PRELID2: variants seen among roughly 807,000 people sequenced by gnomAD.
PRELID2 encodes PRELI domain-containing protein 2.
Under a neutral mutation model 28.4 loss-of-function variants are expected in PRELID2, and 25 were observed. The ratio of observed to expected loss-of-function variants is 0.88; its 90% confidence interval spans 0.64 to 1.23. PRELID2 has a LOEUF of 1.23. PRELID2 is among the 50% of genes most tolerant of loss of function. PRELID2 has a pLI of 0.00. For synonymous variants in PRELID2, 76 were observed against 71.6 expected, an observed-to-expected ratio of 1.06 and a Z score of -0.31; for missense variants, 201 against 214.4, an observed-to-expected ratio of 0.94 and a Z score of 0.39.
downstream of PRELID2, chr5:145,754,253 T>TATA (rs1450713950): frequency 6.6e-6 from 1 of 152,148 alleles, no homozygotes; most frequent in Admixed American, 6.5e-5. Context: ...TCACCAAAGG[T>TATA]ATAACATGCC....
chr5:145,551,771 A>T (rs572792990), intron 1 of PRELID2, among the ~76,000 whole-genome samples: 41 of 152,284 alleles, frequency 2.7e-4, no homozygotes, highest in African/African-American at 9.4e-4. Context: ...GGCAGAGTTT[A>T]GCAAAATCAG....
intron 1 of PRELID2, among the ~76,000 whole-genome samples, chr5:145,586,807 C>T (rs1463341792): frequency 2.0e-5 from 3 of 152,136 alleles, no homozygotes; most frequent in Non-Finnish European, 4.4e-5. Context: ...AGAGAACTTA[C>T]ATAACTTGTT....
the PRELID2 span, among the ~76,000 whole-genome samples, chr5:145,450,231 G>A: frequency 6.6e-6 from 1 of 152,102 alleles, no homozygotes; most frequent in East Asian, 1.9e-4. Context: ...AAAACACAGA[G>A]CAGTCCGTTG....
chr5:145,351,391 C>T, the PRELID2 span, among the ~76,000 whole-genome samples: 1 of 152,068 alleles, frequency 6.6e-6, no homozygotes, highest in African/African-American at 2.4e-5. Flanking sequence ...GCAGAATTGC[C>T]AAGCAAAGAG....
At chr5:145,814,257 CA>C (rs1754147092) in intron 4 of PRELID2, among the ~76,000 whole-genome samples, 1 of 152,112 alleles carries the variant, frequency 6.6e-6, no homozygotes, top group South Asian at 2.1e-4. Flanking sequence ...GCTAATAGCT[CA>C]AATATGTGCA....
At chr5:145,568,477 A>G (rs1752987816) in intron 1 of PRELID2, among the ~76,000 whole-genome samples, 1 of 152,276 alleles carries the variant, frequency 6.6e-6, no homozygotes, top group Non-Finnish European at 1.5e-5. Flanking sequence ...ATCAGCGATC[A>G]TAATGGAAAA....
At chr5:145,763,159 C>T (rs1290510278) in intron 6 of PRELID2, among the ~76,000 whole-genome samples, 1 of 152,222 alleles carries the variant, frequency 6.6e-6, no homozygotes, top group African/African-American at 2.4e-5. Flanking sequence ...GGAGACCCCT[C>T]ATTCCCTCAT....
chr5:145,355,527 T>A, the PRELID2 span, among the ~76,000 whole-genome samples: 1 of 152,094 alleles, frequency 6.6e-6, no homozygotes, highest in Non-Finnish European at 1.5e-5. Flanking sequence ...ATAAAAAGGA[T>A]CTTAGAAATT....
chr5:145,667,828 C>A (rs1754625066), intron 1 of PRELID2, among the ~76,000 whole-genome samples: 1 of 152,108 alleles, frequency 6.6e-6, no homozygotes, highest in African/African-American at 2.4e-5. Context: ...TTCCTCCAGA[C>A]ACACATGCCA....
chr5:145,358,847 C>A, the PRELID2 span, among the ~76,000 whole-genome samples: 9 of 152,280 alleles, frequency 5.9e-5, no homozygotes, highest in African/African-American at 1.4e-4. Flanking sequence ...TTTAAACTGA[C>A]CCTCTGCTTC....
the PRELID2 span, among the ~76,000 whole-genome samples, chr5:145,238,597 G>GT: frequency 6.6e-6 from 1 of 152,102 alleles, no homozygotes; most frequent in East Asian, 1.9e-4. Flanking sequence ...TGAATGAAAT[G>GT]TTTTTTTCTT....
At chr5:145,309,846 C>T in the PRELID2 span, among the ~76,000 whole-genome samples, 1 of 152,140 alleles carries the variant, frequency 6.6e-6, no homozygotes, top group African/African-American at 2.4e-5. Flanking sequence ...GTTATTCTGC[C>T]TCTCCAAGCA....
the PRELID2 span, among the ~76,000 whole-genome samples, chr5:145,329,948 C>T: frequency 6.6e-6 from 1 of 152,144 alleles, no homozygotes; most frequent in Admixed American, 6.5e-5. Context: ...TTTTGGGATA[C>T]GTTCCATCAA....
At chr5:145,556,552 T>C (rs1466466652) in intron 1 of PRELID2, among the ~76,000 whole-genome samples, 1 of 152,196 alleles carries the variant, frequency 6.6e-6, no homozygotes, top group African/African-American at 2.4e-5. Flanking sequence ...CATAACCCAC[T>C]CTTTGTCCTG....
At chr5:145,489,153 C>T (rs1229950512) in intron 1 of PRELID2, among the ~76,000 whole-genome samples, 6 of 152,148 alleles carry the variant, frequency 3.9e-5, no homozygotes, top group East Asian at 1.9e-4. Context: ...AAGCCTGGCT[C>T]GCCAGCCATC....
At chr5:145,317,012 T>C in the PRELID2 span, among the ~76,000 whole-genome samples, 10 of 152,232 alleles carry the variant, frequency 6.6e-5, no homozygotes, top group Admixed American at 6.5e-4. Flanking sequence ...CCTGCACTTC[T>C]GTAATCCACC....
chr5:145,429,175 G>A, the PRELID2 span, among the ~76,000 whole-genome samples: 1 of 152,204 alleles, frequency 6.6e-6, no homozygotes, highest in Non-Finnish European at 1.5e-5. Flanking sequence ...AGATGGGATA[G>A]AAACCTATTG....
intron 1 of PRELID2, among the ~76,000 whole-genome samples, chr5:145,583,241 T>C (rs1753123650): frequency 2.0e-5 from 3 of 151,934 alleles, no homozygotes; most frequent in Admixed American, 2.0e-4. Flanking sequence ...AAATTTAACA[T>C]CCCTTCATGT....
chr5:145,251,094 A>G, the PRELID2 span, among the ~76,000 whole-genome samples: 11 of 152,238 alleles, frequency 7.2e-5, no homozygotes, highest in South Asian at 1.4e-3. Flanking sequence ...CCCTAGTCAG[A>G]TGTACATCTA....
Sources: gnomAD v4.1 joint callset for allele counts (sites outside exome capture counted in the v4.1 genomes callset) on GRCh38, gnomAD v4.1.1 for gene constraint, MANE v1.5 for transcripts, NCBI Gene and HGNC (gene_info 2026-07-23, HGNC 2026-07-21) for gene names.